NRG1: variants seen among roughly 807,000 people sequenced by gnomAD.
NRG1 encodes the protein pro-neuregulin-1, membrane-bound isoform.
In NRG1, 18 loss-of-function variants were observed where a neutral mutation model predicts 63.8. The observed-to-expected ratio is 0.28, with a 90% CI of 0.19 to 0.42. The LOEUF (loss-of-function observed/expected upper bound fraction) is 0.42, where lower values mean the gene tolerates loss of function less well. Ranked by LOEUF, NRG1 falls within the 10% of genes least tolerant of loss-of-function variation. The pLI is 1.00. For missense variants in NRG1, 762 were observed against 814.7 expected (o/e 0.94, Z 0.79); for synonymous variants, 302 against 301.3 (o/e 1.00, Z -0.02).
chr8:32,311,177 T>C (rs1244329432), intron 1 of NRG1, among the ~76,000 whole-genome samples: 1 of 152,200 alleles, frequency 6.6e-6, no homozygotes, highest in African/African-American at 2.4e-5. Context: ...GGATTACTAT[T>C]ATGTTCCAGG....
chr8:31,734,083 G>T (rs1414443894), intron 1 of NRG1, among the ~76,000 whole-genome samples: 1 of 152,140 alleles, frequency 6.6e-6, no homozygotes, highest in African/African-American at 2.4e-5. Flanking sequence ...GCTCATGCAT[G>T]TAATCCCAGG....
chr8:32,092,317 C>T (rs1829280596), intron 1 of NRG1, among the ~76,000 whole-genome samples: 1 of 151,284 alleles, frequency 6.6e-6, no homozygotes, highest in South Asian at 2.1e-4. Context: ...CTTAGCTGGG[C>T]CTGGTGGTGT....
At chr8:32,520,386 TG>T (rs1830227517) in intron 1 of NRG1, among the ~76,000 whole-genome samples, 1 of 151,850 alleles carries the variant, frequency 6.6e-6, no homozygotes, top group Non-Finnish European at 1.5e-5. Context: ...CTCGAACTCC[TG>T]GGCTCAAGGG....
chr8:32,382,917 A>G (rs571847289), intron 1 of NRG1, among the ~76,000 whole-genome samples: 64 of 152,266 alleles, frequency 4.2e-4, no homozygotes, highest in African/African-American at 1.5e-3. Flanking sequence ...AATAAAAATA[A>G]TATGAAAACT....
At chr8:31,915,944 T>C (rs1172656828) in intron 1 of NRG1, among the ~76,000 whole-genome samples, 1 of 152,134 alleles carries the variant, frequency 6.6e-6, no homozygotes, top group African/African-American at 2.4e-5. Flanking sequence ...TCTCAAATGG[T>C]TGGTCCTTAC....
intron 1 of NRG1, among the ~76,000 whole-genome samples, chr8:32,131,176 G>T (rs577078505): frequency 6.6e-6 from 1 of 152,040 alleles, no homozygotes; most frequent in Non-Finnish European, 1.5e-5. Context: ...AAGTGTATTT[G>T]CTGGGCATGG....
chr8:32,281,184 C>CTTTTTTT (rs35582021), intron 1 of NRG1, among the ~76,000 whole-genome samples: 3 of 94,326 alleles, frequency 3.2e-5, no homozygotes, highest in African/African-American at 9.0e-5. Context: ...GTAGTTTTTC[C>CTTTTTTT]TTTTTTTTTT....
intron 1 of NRG1, among the ~76,000 whole-genome samples, chr8:31,898,448 T>C (rs1050220382): frequency 3.3e-5 from 5 of 152,218 alleles, no homozygotes; most frequent in African/African-American, 4.8e-5. Context: ...GACTAAGTAT[T>C]TTGTAAATAT....
chr8:31,759,402 A>T (rs1338795379), intron 1 of NRG1, among the ~76,000 whole-genome samples: 1 of 152,040 alleles, frequency 6.6e-6, no homozygotes, highest in Non-Finnish European at 1.5e-5. Context: ...ATCCATCTCA[A>T]GTAAATCTTC....
At chr8:32,013,723 C>G (rs1248281987) in intron 1 of NRG1, among the ~76,000 whole-genome samples, 2 of 152,134 alleles carry the variant, frequency 1.3e-5, no homozygotes, top group Non-Finnish European at 2.9e-5. Flanking sequence ...TCAAAACTCA[C>G]TACATTCTGT....
At chr8:32,335,800 C>A (rs1312683765) in intron 1 of NRG1, among the ~76,000 whole-genome samples, 1 of 152,170 alleles carries the variant, frequency 6.6e-6, no homozygotes, top group East Asian at 1.9e-4. Context: ...TGCAGCCCAA[C>A]ATAGGCCGTC....
rs902160676 is a variant in NRG1 at position 31,872,359 on chromosome 8, A to G, written c.37+232928A>G. Among the ~76,000 whole-genome samples the G allele has an allele frequency of 8.5e-5, 13 of 152,126 alleles. No individual in the cohort carries two copies. In the East Asian group the frequency reaches 2.5e-3, roughly 29 times the overall value. ...ACTGAAATTCCTTCTTTCTTGTTCC[A>G]ACTACATCAGAAACATTCAATAGAC... On this transcript the variant is annotated intron_variant, in intron 1 of 10. Coordinates refer to the NRG1 transcript ENST00000519301.
chr8:32,159,803 CTATAT>C (rs1356704857), intron 1 of NRG1, among the ~76,000 whole-genome samples: 1 of 151,886 alleles, frequency 6.6e-6, no homozygotes, highest in Non-Finnish European at 1.5e-5. Flanking sequence ...ATGAATCACC[CTATAT>C]TATAATTATG....
chr8:31,916,408 T>C (rs949897134), intron 1 of NRG1, among the ~76,000 whole-genome samples: 15 of 152,208 alleles, frequency 9.9e-5, no homozygotes, highest in African/African-American at 3.6e-4. Context: ...CCTGTGTCCC[T>C]GTGTTCTCAT....
chr8:32,383,797 T>A (rs1810652191), intron 1 of NRG1, among the ~76,000 whole-genome samples: 1 of 152,232 alleles, frequency 6.6e-6, no homozygotes, highest in South Asian at 2.1e-4. Flanking sequence ...GAGGAAAGAT[T>A]CCAGGTTAGA....
intron 1 of NRG1, among the ~76,000 whole-genome samples, chr8:32,050,144 A>T (rs1011976766): frequency 6.6e-6 from 1 of 152,216 alleles, no homozygotes; most frequent in African/African-American, 2.4e-5. Flanking sequence ...GAAGGTATAT[A>T]GTAAAGTGCT....
chr8:32,431,987 G>A (rs1305961357), intron 1 of NRG1, among the ~76,000 whole-genome samples: 1 of 152,082 alleles, frequency 6.6e-6, no homozygotes, highest in Non-Finnish European at 1.5e-5. Context: ...TATTTATTGG[G>A]TTGAAGTGTT....
At chr8:31,723,418 C>T (rs542288862) in intron 1 of NRG1, among the ~76,000 whole-genome samples, 6 of 152,218 alleles carry the variant, frequency 3.9e-5, no homozygotes, top group East Asian at 1.9e-4. Context: ...TTCCACTTTT[C>T]GTGTGATTCC....
intron 1 of NRG1, among the ~76,000 whole-genome samples, chr8:32,567,219 AAG>A (rs1837615211): frequency 6.6e-6 from 1 of 152,208 alleles, no homozygotes; most frequent in Non-Finnish European, 1.5e-5. Context: ...AATTTTGAGA[AAG>A]AAGATCTCTA....
Sources: allele counts gnomAD v4.1 joint callset (sites outside exome capture counted in the v4.1 genomes callset), GRCh38; gene constraint gnomAD v4.1.1; transcripts MANE v1.5; gene names NCBI Gene and HGNC (gene_info 2026-07-23, HGNC 2026-07-21).